The following LRRC42 variants were observed in gnomAD, a reference collection of about 807,000 sequenced individuals.
LRRC42 encodes the protein leucine rich repeat containing 42.
Under a neutral mutation model 44.3 loss-of-function variants are expected in LRRC42, and 43 were observed. The ratio of observed to expected loss-of-function variants is 0.97; its 90% CI spans 0.76 to 1.25. The LOEUF (loss-of-function observed/expected upper bound fraction) is 1.25, where lower values mean the gene tolerates loss of function less well. Among genes scored for constraint, LRRC42 ranks in the 50% most tolerant of loss-of-function variants. LRRC42 has a pLI of 0.00. For missense variants in LRRC42, 540 were observed against 509.1 expected (o/e 1.06, Z -0.58); for synonymous variants, 207 against 195.2 (o/e 1.06, Z -0.50).
chr1:53,966,431 A>G, intron 8 of LRRC42, 51 bp downstream of exon 8: 1 of 1,295,588 alleles, frequency 7.7e-7, no homozygotes, highest in East Asian at 2.3e-5. Flanking sequence ...TTGCATCCTT[A>G]AAGCAGTTCG....
rs1447406855 is a variant in LRRC42, at chr1:53,952,248, G to T, written c.249G>T (p.Arg83=). Residue 83 remains arginine, a synonymous_variant, in exon 3 of 9, where the codon CGG becomes CGT. Coordinates refer to ENST00000371370, the MANE Select transcript of LRRC42 (RefSeq NM_001256409.2). The part of the protein sequence containing the change: ...IFTYTREGNL[R]YSAKSLFSLV... ...CATACACCCGAGAGGGGAATCTTCG[G>T]TACTCCGCCAAATCCCTCTTCAGCC... is the stretch of plus-strand genomic sequence containing the variant. 1 of 1,614,102 alleles carries T rather than the reference G, an allele frequency of 6.2e-7. No individual in the cohort carries two copies. Among genetic ancestry groups the T allele is most frequent in the African/African-American group, 1.3e-5 (1 of 74,948 alleles).
chr1:53,951,877 C>T, intron 2 of LRRC42, 109 bp from the exon 3 acceptor site: 1 of 899,782 alleles, frequency 1.1e-6, no homozygotes, highest in East Asian at 2.7e-5. Context: ...CTAAACCAGC[C>T]ACCAGGCCTG....
Position 53,952,414 on chromosome 1 carries a change from C to CAG in LRRC42, c.417_418dup (p.Lys140ArgfsTer23), listed in dbSNP as rs751755827. On this transcript the variant is annotated frameshift_variant, in exon 3 of 9. Coordinates refer to ENST00000371370, the MANE Select transcript of LRRC42 (RefSeq NM_001256409.2). LOFTEE classifies it high-confidence loss of function. ...GCCAGGTGCAGGGCTGAGGGCTTTA[C>CAG]AGAAATTCACTGAGGCCTATGGAAG... The CAG allele has an allele frequency of 1.2e-6, 2 of 1,610,464 alleles. No homozygotes were observed. Among genetic ancestry groups the CAG allele is most frequent in the African/African-American group, 2.7e-5 (2 of 74,984 alleles).
rs187681558 is a variant in LRRC42, at chr1:53,967,645, A to G, written c.1013-20A>G. 3 of 1,611,700 alleles carry G rather than the reference A, an allele frequency of 1.9e-6. No homozygotes were observed. The highest frequency in any genetic ancestry group is 2.2e-5 in the East Asian group (1 of 44,872). On this transcript the variant is annotated intron_variant, in intron 8 of 8. Coordinates refer to ENST00000371370, the MANE Select transcript of LRRC42 (RefSeq NM_001256409.2). ...CATATGCCAGTGTAGTGAACTCATC[A>G]TCCCTCCCTTCTGTCACAGATGGGA...
At chr1:53,967,241 T>TA (rs1491238470) in intron 8 of LRRC42, among the ~76,000 whole-genome samples, 2 of 152,250 alleles carry the variant, frequency 1.3e-5, no homozygotes, top group African/African-American at 4.8e-5. Context: ...ATTTGGCTCT[T>TA]AGAGTCAAAT....
At chr1:53,966,528 C>G (rs1655132539) in intron 8 of LRRC42, 148 bp downstream of exon 8, 6 of 607,672 alleles carry the variant, frequency 9.9e-6, no homozygotes, top group Non-Finnish European at 1.8e-5. Flanking sequence ...GCATAGCTTA[C>G]AGTATAAGTT....
chr1:53,949,844 G>A (rs895462040), intron 2 of LRRC42, among the ~76,000 whole-genome samples: 3 of 152,214 alleles, frequency 2.0e-5, no homozygotes, highest in Admixed American at 1.3e-4. Flanking sequence ...GGAGGAGCCT[G>A]CAGCTGTTGC....
chr1:53,948,637 CA>C (rs1461323577), intron 2 of LRRC42, among the ~76,000 whole-genome samples: 1 of 152,182 alleles, frequency 6.6e-6, no homozygotes, highest in African/African-American at 2.4e-5. Flanking sequence ...CTACGATCTA[CA>C]TTGGGCATTG....
At position 53,963,798 on chromosome 1, in the gene LRRC42, C is replaced by T. The variant is rs528015815; in HGVS notation, c.927+1389C>T. The stretch of plus-strand genomic sequence containing the variant: ...TCTCAGAATTTCTCCATTTCTTCAA[C>T]CGTATTACACTTCCCTTCTATCCGA... On this transcript the variant is annotated intron_variant, in intron 7 of 8. Coordinates refer to ENST00000371370, the MANE Select transcript of LRRC42 (RefSeq NM_001256409.2). 8.3e-4 allele frequency among the ~76,000 whole-genome samples: 126 copies of T among 152,358 alleles called. 1 individual carries two copies. Among genetic ancestry groups the T allele is most frequent in the African/African-American group, 2.9e-3 (119 of 41,580 alleles).
Position 53,958,186 on chromosome 1 carries a change from T to C in LRRC42, c.511T>C (p.Ser171Pro), listed in dbSNP as rs1013711911. The change falls in exon 4 of 9, where the codon TCT (serine) becomes CCT (proline). Residue 171 changes from serine to proline, a missense_variant. Ser to Pro is a moderately conservative substitution (Grantham distance 74). Transcript: ENST00000371370. ...TTCAGAAAAGCTTGAGGAGATTAAG[T>C]CTTTCCGGGAGCTGACCTGCCTGGA... ...VISEKLEEIK[S>P]FRELTCLDLS... 6.2e-7 allele frequency: 1 copy of C among 1,613,804 alleles called. No homozygotes were observed. The highest frequency in any genetic ancestry group is 1.1e-5 in the South Asian group (1 of 91,086).
At chr1:53,951,899 C>T (rs1168374965) in intron 2 of LRRC42, 87 bp from the exon 3 acceptor site, 9 of 1,077,130 alleles carry the variant, frequency 8.4e-6, no homozygotes, top group Middle Eastern at 3.1e-4. Context: ...CTGGTAGGCT[C>T]ATAAAGCCCT....
intron 3 of LRRC42, 124 bp downstream of exon 3, chr1:53,952,596 T>C (rs2100919221): frequency 4.1e-6 from 3 of 731,864 alleles, no homozygotes; most frequent in East Asian, 2.7e-5. Flanking sequence ...CTTCCAAATA[T>C]GAAGTAAAAG....
chr1:53,966,771 T>G (rs1655136961), intron 8 of LRRC42, among the ~76,000 whole-genome samples: 1 of 151,930 alleles, frequency 6.6e-6, no homozygotes. Flanking sequence ...GCTTTAAAAG[T>G]AAGGAAACCG....
At chr1:53,951,862 T>C in intron 2 of LRRC42, 124 bp from the exon 3 acceptor site, 1 of 788,164 alleles carries the variant, frequency 1.3e-6, no homozygotes, top group Non-Finnish European at 2.0e-6. Context: ...TGAGTTTTGC[T>C]TTTCCTAAAC....
At chr1:53,947,254 G>T (rs1432569032) in intron 1 of LRRC42, among the ~76,000 whole-genome samples, 1 of 151,952 alleles carries the variant, frequency 6.6e-6, no homozygotes, top group Non-Finnish European at 1.5e-5. Flanking sequence ...AGGGGCAGGA[G>T]AGCTGGGGTG....
intron 5 of LRRC42, among the ~76,000 whole-genome samples, chr1:53,961,655 T>C (rs1029218977): frequency 1.3e-5 from 2 of 152,296 alleles, no homozygotes; most frequent in African/African-American, 4.8e-5. Flanking sequence ...CTTTTTAAAA[T>C]AAATAAATGC....
chr1:53,951,768 C>G (rs1262219384), intron 2 of LRRC42, among the ~76,000 whole-genome samples: 1 of 152,030 alleles, frequency 6.6e-6, no homozygotes, highest in African/African-American at 2.4e-5. Context: ...GCCAGATAAA[C>G]AAGAAAAAGG....
rs142429373 is a variant in LRRC42, at chr1:53,951,203, G to A, written c.-14-783G>A. Among the ~76,000 whole-genome samples, 23 of 152,292 alleles carry A rather than the reference G, an allele frequency of 1.5e-4. No individual in the cohort carries two copies. In the East Asian group the frequency reaches 4.0e-3, roughly 27 times the overall value. ...TAGTCTTTTTTCTGTGTCTAAACAT[G>A]TTTTTTAAAAATTCATAATTTTAAT... On this transcript the variant is annotated intron_variant, in intron 2 of 8. Coordinates refer to ENST00000371370, the MANE Select transcript of LRRC42 (RefSeq NM_001256409.2).
At position 53,968,137 on chromosome 1, in the gene LRRC42, T is replaced by C. The variant is rs573272516; in HGVS notation, c.*198T>C. ...AATGTATATTTTCAATACATAGTAA[T>C]TTTTTCAAATAAACATTTTTGCTGT... On this transcript the variant is annotated 3_prime_UTR_variant, in exon 9 of 9. Transcript: ENST00000371370. 3 of 555,542 alleles carry C rather than the reference T, an allele frequency of 5.4e-6. No individual in the cohort carries two copies. Among genetic ancestry groups the C allele is most frequent in the Admixed American group, 6.7e-5 (2 of 30,060 alleles). The allele number at this position is 555,542 out of a possible 1,614,324, so 34.4% of individuals were successfully genotyped here.
Sources: gnomAD v4.1 joint callset for allele counts (sites outside exome capture counted in the v4.1 genomes callset) on GRCh38, gnomAD v4.1.1 for gene constraint, MANE v1.5 for transcripts, NCBI Gene and HGNC (gene_info 2026-07-23, HGNC 2026-07-21) for gene names.